Variants in ARL6IP6 observed in about 807,000 individuals in gnomAD.
The protein encoded by ARL6IP6 is ARF like GTPase 6 interacting protein 6, also known as ADP-ribosylation factor-like protein 6-interacting protein 6.
ARL6IP6 carries 22 observed loss-of-function variants against 21.5 expected under a neutral mutation model. The ratio of observed to expected loss-of-function variants is 1.02; its 90% CI spans 0.73 to 1.46. ARL6IP6 has a LOEUF of 1.46. Ranked by LOEUF, ARL6IP6 falls within the 40% of genes most tolerant of loss-of-function variation. The pLI, the probability that ARL6IP6 is intolerant of heterozygous loss-of-function variation, is 0.00. For missense variants in ARL6IP6, 388 were observed against 299.8 expected (o/e 1.29, Z -2.17); for synonymous variants, 164 against 125.3 (o/e 1.31, Z -2.06).
chr2:152,728,168 T>C (rs1044970460), intron 2 of ARL6IP6, among the ~76,000 whole-genome samples: 7 of 152,210 alleles, frequency 4.6e-5, no homozygotes, highest in Non-Finnish European at 8.8e-5. Flanking sequence ...TCTACCTCAT[T>C]TTTTCATGAC....
chr2:152,728,437 T>C (rs1559226603), intron 2 of ARL6IP6, among the ~76,000 whole-genome samples: 1 of 152,224 alleles, frequency 6.6e-6, no homozygotes. Flanking sequence ...TTGGTGCCTC[T>C]GTGTCTGACT....
intron 3 of ARL6IP6, among the ~76,000 whole-genome samples, chr2:152,749,963 T>A (rs941758035): frequency 6.6e-6 from 1 of 152,226 alleles, no homozygotes; most frequent in Non-Finnish European, 1.5e-5. Context: ...ATCTTAACAA[T>A]GTTGATTTAG....
At chr2:152,719,092 A>AC in intron 1 of ARL6IP6, 68 bp downstream of exon 1, 1 of 1,428,574 alleles carries the variant, frequency 7.0e-7, no homozygotes, top group Non-Finnish European at 9.2e-7. Context: ...TCTCGTCTCC[A>AC]CCCATCTCCC....
At chr2:152,737,360 G>C (rs1217137240) in intron 3 of ARL6IP6, among the ~76,000 whole-genome samples, 1 of 152,088 alleles carries the variant, frequency 6.6e-6, no homozygotes, top group African/African-American at 2.4e-5. Flanking sequence ...TTCTGTTAAA[G>C]ATCTGCTATT....
chr2:152,735,237 TATA>T, intron 3 of ARL6IP6, 111 bp downstream of exon 3: 2 of 1,166,064 alleles, frequency 1.7e-6, no homozygotes, highest in Non-Finnish European at 2.4e-6. Context: ...TTTCAGTCTT[TATA>T]AAGCACTAAT....
At chr2:152,754,461 T>C (rs1258163597) in intron 3 of ARL6IP6, among the ~76,000 whole-genome samples, 2 of 152,236 alleles carry the variant, frequency 1.3e-5, no homozygotes, top group African/African-American at 4.8e-5. Flanking sequence ...TTTAAATCCG[T>C]TCATCAGTTG....
intron 1 of ARL6IP6, chr2:152,719,953 A>G (rs1236111855): frequency 4.2e-6 from 2 of 470,680 alleles, no homozygotes; most frequent in African/African-American, 2.0e-5. Context: ...CTTGATTTTC[A>G]TACAGAAGAC....
chr2:152,756,325 A>G (rs912678892), intron 3 of ARL6IP6, among the ~76,000 whole-genome samples: 1 of 152,174 alleles, frequency 6.6e-6, no homozygotes, highest in Non-Finnish European at 1.5e-5. Flanking sequence ...ATACACATTA[A>G]TTTGAGATGA....
At chr2:152,718,489 C>T (rs768920434), upstream of ARL6IP6, 5 of 1,303,654 alleles carry the variant, frequency 3.8e-6, no homozygotes, top group Admixed American at 2.9e-5. Context: ...CCGCCGCCCA[C>T]CCTTGCTCTC....
intron 3 of ARL6IP6, among the ~76,000 whole-genome samples, chr2:152,738,497 C>A (rs1700651245): frequency 6.6e-6 from 1 of 152,222 alleles, no homozygotes; most frequent in Non-Finnish European, 1.5e-5. Flanking sequence ...CTAGGCGTTT[C>A]CATACATCCT....
intron 3 of ARL6IP6, 57 bp downstream of exon 3, chr2:152,735,183 TA>T: frequency 1.3e-6 from 2 of 1,580,100 alleles, no homozygotes; most frequent in East Asian, 2.2e-5. Context: ...TTGAAAATAC[TA>T]AAATACTCAG....
At position 152,742,493 on chromosome 2, in the gene ARL6IP6, A is replaced by G. The variant is rs1700858793; in HGVS notation, c.587+7367A>G. 3.3e-5 allele frequency among the ~76,000 whole-genome samples: 5 copies of G among 151,270 alleles called. No homozygotes were observed. In the South Asian group the frequency reaches 1.0e-3, roughly 32 times the overall value. ...TGAGGCAGAAGGATTGTTTGATCCCAGGAGTTGAAGGCTGCAGTGAGCTAT... is the reference window on the plus strand; with the variant it reads ...TGAGGCAGAAGGATTGTTTGATCCCGGGAGTTGAAGGCTGCAGTGAGCTAT... On this transcript the variant is annotated intron_variant, in intron 3 of 3. Coordinates refer to ENST00000326446, the MANE Select transcript of ARL6IP6 (RefSeq NM_152522.7).
At chr2:152,748,735 A>G (rs941095437) in intron 3 of ARL6IP6, among the ~76,000 whole-genome samples, 1 of 152,230 alleles carries the variant, frequency 6.6e-6, no homozygotes, top group Non-Finnish European at 1.5e-5. Flanking sequence ...TTTAAATTAC[A>G]AGAGTTCTGT....
At chr2:152,758,996 T>C (rs1314088142) in intron 3 of ARL6IP6, among the ~76,000 whole-genome samples, 2 of 152,202 alleles carry the variant, frequency 1.3e-5, no homozygotes, top group African/African-American at 4.8e-5. Flanking sequence ...AGAGTCTCAG[T>C]TGGATACTAC....
upstream of ARL6IP6, chr2:152,718,096 G>C (rs138487635): frequency 9.7e-4 from 956 of 990,240 alleles, 7 homozygotes; most frequent in African/African-American, 0.016. Context: ...GGGGTGAGCA[G>C]TTAAGGAACC....
chr2:152,722,770 T>C (rs1317784489), intron 2 of ARL6IP6, among the ~76,000 whole-genome samples: 1 of 152,184 alleles, frequency 6.6e-6, no homozygotes, highest in Non-Finnish European at 1.5e-5. Flanking sequence ...TAGCTGGGCA[T>C]GGTGGCACAG....
At chr2:152,730,562 G>C (rs1362009764) in intron 2 of ARL6IP6, among the ~76,000 whole-genome samples, 5 of 151,854 alleles carry the variant, frequency 3.3e-5, no homozygotes, top group Admixed American at 2.0e-4. Context: ...CCTCTATCCT[G>C]ATAGATTGGT....
intron 2 of ARL6IP6, chr2:152,732,408 T>G (rs981698662): frequency 2.7e-5 from 7 of 255,876 alleles, no homozygotes; most frequent in Non-Finnish European, 5.8e-5. Flanking sequence ...ATTTCTCTGA[T>G]TATTAATGGT....
At chr2:152,739,757 G>A (rs1317192033) in intron 3 of ARL6IP6, among the ~76,000 whole-genome samples, 1 of 152,208 alleles carries the variant, frequency 6.6e-6, no homozygotes, top group Non-Finnish European at 1.5e-5. Context: ...AGATATACCT[G>A]AGACTGGGTA....
Sources: allele counts gnomAD v4.1 joint callset (sites outside exome capture counted in the v4.1 genomes callset), GRCh38; gene constraint gnomAD v4.1.1; transcripts MANE v1.5; gene names NCBI Gene and HGNC (gene_info 2026-07-23, HGNC 2026-07-21).